Variants in G3BP2 observed in about 807,000 individuals in gnomAD.
The protein encoded by G3BP2 is G3BP stress granule assembly factor 2.
In G3BP2, 11 loss-of-function variants were observed where a neutral mutation model predicts 56.7. That is an observed-to-expected ratio of 0.19 (90% CI 0.12 to 0.32). G3BP2 has a LOEUF of 0.32. G3BP2 is among the 10% of genes least tolerant of loss of function. The pLI is 1.00. For missense variants in G3BP2, 340 were observed against 610.9 expected, an observed-to-expected ratio of 0.56 and a Z score of 4.67; for synonymous variants, 165 against 191.6, an observed-to-expected ratio of 0.86 and a Z score of 1.15.
At chr4:75,669,566 A>G (rs13130126) in intron 1 of G3BP2, among the ~76,000 whole-genome samples, 62,034 of 152,114 alleles carry the variant, frequency 0.41, 13,943 homozygotes, top group African/African-American at 0.58. Flanking sequence ...ATCCAGTCTG[A>G]CATTCAATGT....
intron 8 of G3BP2, among the ~76,000 whole-genome samples, chr4:75,649,643 A>G (rs1224773895): frequency 6.6e-6 from 1 of 152,226 alleles, no homozygotes; most frequent in East Asian, 1.9e-4. Context: ...AGAGACAAAT[A>G]TATGAGCCTA....
intron 3 of G3BP2, among the ~76,000 whole-genome samples, chr4:75,684,588 A>G (rs1003161664): frequency 6.6e-6 from 1 of 152,078 alleles, no homozygotes; most frequent in Non-Finnish European, 1.5e-5. Flanking sequence ...TGCAGTGACT[A>G]TTCAATCACA....
At chr4:75,677,554 G>A (rs1391212021), upstream of G3BP2, among the ~76,000 whole-genome samples, 2 of 151,636 alleles carry the variant, frequency 1.3e-5, no homozygotes, top group African/African-American at 4.9e-5. Flanking sequence ...CTGGGCAACA[G>A]AGCGAGACTC....
intron 3 of G3BP2, among the ~76,000 whole-genome samples, chr4:75,658,583 C>T (rs563679356): frequency 5.9e-5 from 9 of 151,882 alleles, no homozygotes; most frequent in Non-Finnish European, 1.2e-4. Flanking sequence ...CAAAATTAGC[C>T]GGGTGTGGTG....
At chr4:75,651,993 C>T (rs747696894) in intron 8 of G3BP2, among the ~76,000 whole-genome samples, 1 of 152,080 alleles carries the variant, frequency 6.6e-6, no homozygotes, top group Non-Finnish European at 1.5e-5. Context: ...GAATACTACA[C>T]AAAAGTAACA....
At chr4:75,677,602 A>T (rs1167299956), upstream of G3BP2, among the ~76,000 whole-genome samples, 1 of 151,984 alleles carries the variant, frequency 6.6e-6, no homozygotes, top group Non-Finnish European at 1.5e-5. Flanking sequence ...AAAAGAGATG[A>T]CTACATGCAT....
At chr4:75,667,244 G>C (rs866525386) in intron 1 of G3BP2, among the ~76,000 whole-genome samples, 1 of 149,330 alleles carries the variant, frequency 6.7e-6, no homozygotes. Flanking sequence ...AGCCAAGATG[G>C]CACCACCGCA....
At chr4:75,659,801 C>G (rs997150808) in intron 2 of G3BP2, among the ~76,000 whole-genome samples, 7 of 152,136 alleles carry the variant, frequency 4.6e-5, no homozygotes, top group Non-Finnish European at 4.4e-5. Context: ...AGATAAGAAC[C>G]TAGTCAGTCT....
chr4:75,655,338 T>A (rs995575323), intron 6 of G3BP2, 92 bp from the exon 7 acceptor site: 3 of 866,578 alleles, frequency 3.5e-6, no homozygotes, highest in Non-Finnish European at 5.6e-6. Flanking sequence ...ACTAGTTATA[T>A]GCCAATAACT....
At chr4:75,675,889 G>A (rs1185835192), upstream of G3BP2, among the ~76,000 whole-genome samples, 3 of 150,274 alleles carry the variant, frequency 2.0e-5, no homozygotes, top group Non-Finnish European at 4.4e-5. Flanking sequence ...TGAGCGCCAC[G>A]TATGGTTTCT....
chr4:75,659,051 T>A, intron 2 of G3BP2, 127 bp from the exon 3 acceptor site: 1 of 721,036 alleles, frequency 1.4e-6, no homozygotes, highest in Non-Finnish European at 2.5e-6. Context: ...CTTGGACAGG[T>A]AAGTTACTTA....
intron 10 of G3BP2, 63 bp downstream of exon 10, chr4:75,646,966 C>T: frequency 2.0e-6 from 2 of 1,003,290 alleles, no homozygotes; most frequent in South Asian, 1.6e-5. Flanking sequence ...TAAAAAAGCT[C>T]CATATGCCTC....
chr4:75,652,660 C>T (rs1322796490), intron 8 of G3BP2, among the ~76,000 whole-genome samples: 1 of 152,116 alleles, frequency 6.6e-6, no homozygotes, highest in Non-Finnish European at 1.5e-5. Flanking sequence ...ACATGAGCCA[C>T]ATATGGACTC....
In G3BP2 at chr4:75,720,671, C is replaced by T. The variant is rs375233897; in HGVS notation, c.-25+206G>A. ...ATTAGCCAGGCATGGTGGCATGTGC[C>T]TCTATTCCCAGCTACTTGGAAGGCT... is the stretch of plus-strand genomic sequence containing the variant. On this transcript the variant is annotated intron_variant, in intron 3 of 3. Coordinates refer to the G3BP2 transcript ENST00000499709. 4.0e-5 allele frequency among the ~76,000 whole-genome samples: 6 copies of T among 151,630 alleles called. No homozygotes were observed. The South Asian group carries it at 8.3e-4, about 21-fold the overall frequency.
At chr4:75,653,316 T>C (rs1731844296) in intron 8 of G3BP2, among the ~76,000 whole-genome samples, 1 of 152,152 alleles carries the variant, frequency 6.6e-6, no homozygotes, top group African/African-American at 2.4e-5. Flanking sequence ...GGACACCCTT[T>C]ATATGCTGAT....
At chr4:75,651,091 T>C (rs1396276723) in intron 8 of G3BP2, among the ~76,000 whole-genome samples, 2 of 152,144 alleles carry the variant, frequency 1.3e-5, no homozygotes, top group Admixed American at 1.3e-4. Flanking sequence ...TGATGCAAAA[T>C]GTGATGCTGA....
chr4:75,714,564 G>T (rs1256688665), intron 3 of G3BP2, among the ~76,000 whole-genome samples: 1 of 152,084 alleles, frequency 6.6e-6, no homozygotes, highest in African/African-American at 2.4e-5. Flanking sequence ...GGAGGCGAAG[G>T]TTGCAGTGAG....
chr4:75,662,088 T>C lies in G3BP2; in HGVS notation c.-24-39A>G, dbSNP rs878894012. ...CACAAGAATAACTATTAAAAAGTCA[T>C]CTTTGTCATCAACCACCATGAAATA... On this transcript the variant is annotated intron_variant, in intron 1 of 11. Transcript: ENST00000359707. 1.1e-5 allele frequency: 12 copies of C among 1,122,328 alleles called. 1 individual carries two copies. The South Asian group carries it at 1.6e-4, about 15-fold the overall frequency. The allele number at this position is 1,122,328 out of a possible 1,614,324, so 69.5% of individuals were successfully genotyped here. A position where few individuals can be genotyped will look rare whatever the true frequency, so the allele number is the denominator to read the frequency against.
At chr4:75,659,051 T>C (rs1486466961) in intron 2 of G3BP2, 127 bp from the exon 3 acceptor site, 1 of 720,918 alleles carries the variant, frequency 1.4e-6, no homozygotes, top group African/African-American at 1.8e-5. Context: ...CTTGGACAGG[T>C]AAGTTACTTA....
Sources: gnomAD v4.1 joint callset for allele counts (sites outside exome capture counted in the v4.1 genomes callset) on GRCh38, gnomAD v4.1.1 for gene constraint, MANE v1.5 for transcripts, NCBI Gene and HGNC (gene_info 2026-07-23, HGNC 2026-07-21) for gene names.